Variants in PDE3A observed in about 807,000 individuals in gnomAD.
The protein encoded by PDE3A is phosphodiesterase 3A.
PDE3A carries 43 observed loss-of-function variants against 98.3 expected under a neutral mutation model. The ratio of observed to expected loss-of-function variants is 0.44; its 90% CI spans 0.34 to 0.56. The LOEUF (loss-of-function observed/expected upper bound fraction) is 0.56. PDE3A is among the 20% of genes least tolerant of loss of function. PDE3A has a pLI of 0.01. For synonymous variants in PDE3A, 663 were observed against 567.9 expected (o/e 1.17, Z -2.38); for missense variants, 1,427 against 1,440.7 (o/e 0.99, Z 0.15).
At chr12:20,643,286 G>T (rs1004534899) in intron 10 of PDE3A, among the ~76,000 whole-genome samples, 1 of 152,138 alleles carries the variant, frequency 6.6e-6, no homozygotes, top group African/African-American at 2.4e-5. Context: ...GCCTACCCTG[G>T]CCAGAAGAAG....
chr12:20,466,598 AGT>A (rs1945343178), intron 1 of PDE3A, among the ~76,000 whole-genome samples: 1 of 152,176 alleles, frequency 6.6e-6, no homozygotes, highest in African/African-American at 2.4e-5. Context: ...AATTATGACT[AGT>A]GTATTATTTT....
intron 1 of PDE3A, among the ~76,000 whole-genome samples, chr12:20,535,483 AG>A (rs1941725707): frequency 1.3e-5 from 2 of 152,184 alleles, no homozygotes; most frequent in African/African-American, 4.8e-5. Flanking sequence ...ACGGAGTAAA[AG>A]CACTCTATGT....
intron 1 of PDE3A, among the ~76,000 whole-genome samples, chr12:20,476,426 T>C (rs1945533383): frequency 6.6e-6 from 1 of 152,232 alleles, no homozygotes; most frequent in Non-Finnish European, 1.5e-5. Context: ...TTGTCAACTC[T>C]TCTGTGAATG....
intron 2 of PDE3A, among the ~76,000 whole-genome samples, chr12:20,603,436 A>AACTT (rs531158172): frequency 6.6e-6 from 1 of 152,352 alleles, no homozygotes; most frequent in South Asian, 2.1e-4. Flanking sequence ...ACTTTTTAAG[A>AACTT]ACTTAAAATT....
chr12:20,602,602 A>T (rs942823236), intron 2 of PDE3A, among the ~76,000 whole-genome samples: 2 of 152,188 alleles, frequency 1.3e-5, no homozygotes, highest in Non-Finnish European at 2.9e-5. Flanking sequence ...GAAGTTTGTT[A>T]TGTTTCACAT....
chr12:20,560,225 A>G (rs1942478913), intron 2 of PDE3A, among the ~76,000 whole-genome samples: 1 of 152,330 alleles, frequency 6.6e-6, no homozygotes, highest in African/African-American at 2.4e-5. Context: ...GAGCTCCTCC[A>G]GTAGATAGGC....
chr12:20,647,629 T>G (rs1944808862), intron 12 of PDE3A, among the ~76,000 whole-genome samples: 1 of 152,148 alleles, frequency 6.6e-6, no homozygotes, highest in Non-Finnish European at 1.5e-5. Flanking sequence ...CTACAAGATC[T>G]AGAGGCCAAT....
At chr12:20,589,162 G>A (rs1943262698) in intron 2 of PDE3A, among the ~76,000 whole-genome samples, 1 of 151,964 alleles carries the variant, frequency 6.6e-6, no homozygotes, top group Non-Finnish European at 1.5e-5. Context: ...CTGACCTCTT[G>A]ATCCACCTGC....
Position 20,686,917 on chromosome 12 carries a change from A to T in PDE3A, c.*6646A>T, listed in dbSNP as rs7975334. 2.0e-5 allele frequency among the ~76,000 whole-genome samples: 3 copies of T among 152,110 alleles called. No homozygotes were observed. The highest frequency in any genetic ancestry group is 4.8e-5 in the African/African-American group (2 of 41,458). On this transcript the variant is annotated 3_prime_UTR_variant, in exon 16 of 16. Coordinates refer to ENST00000359062, the MANE Select transcript of PDE3A (RefSeq NM_000921.5). ...TGCAGGGTATCCCAGGACACCCCTCAGTCTTTAATACAAACCAATTTAGTT... is the reference window on the plus strand; with the variant it reads ...TGCAGGGTATCCCAGGACACCCCTCTGTCTTTAATACAAACCAATTTAGTT...
At chr12:20,400,389 T>TTG (rs1355715167) in intron 1 of PDE3A, among the ~76,000 whole-genome samples, 1 of 6,284 alleles carries the variant, frequency 1.6e-4, no homozygotes, top group African/African-American at 2.8e-4. Flanking sequence ...GTTTTTTTTT[T>TTG]TTTTTTTTTT....
intron 5 of PDE3A, among the ~76,000 whole-genome samples, chr12:20,625,576 T>G (rs1190833368): frequency 6.6e-6 from 1 of 152,132 alleles, no homozygotes; most frequent in Non-Finnish European, 1.5e-5. Flanking sequence ...CACCTGGGCA[T>G]GGAAAAAAAG....
chr12:20,621,324 A>G lies in PDE3A; in HGVS notation c.1453A>G (p.Met485Val). Residue 485 changes from methionine (M) to valine (V), a missense_variant, in exon 5 of 16, where the codon ATG becomes GTG. Met to Val is a conservative substitution (Grantham distance 21). Transcript: ENST00000359062. ...TGATTCTTGGAATAATCCAGTGATGATGACCCTCACCAAAAGCAGATCCTT... is the reference window on the plus strand; with the variant it reads ...TGATTCTTGGAATAATCCAGTGATGGTGACCCTCACCAAAAGCAGATCCTT... Reference protein sequence around the residue: ...SPDSWNNPVMMTLTKSRSFTS... With the variant: ...SPDSWNNPVMVTLTKSRSFTS... 2 of 1,605,560 alleles carry G rather than the reference A, an allele frequency of 1.2e-6. No homozygotes were observed. Among genetic ancestry groups the G allele is most frequent in the East Asian group, 4.5e-5 (2 of 44,784 alleles).
In PDE3A at chr12:20,639,923, T is replaced by C. The variant is rs1944606427; in HGVS notation, c.2217T>C (p.Phe739=). 4 of 1,546,978 alleles carry C rather than the reference T, an allele frequency of 2.6e-6. No individual in the cohort carries two copies. The highest frequency in any genetic ancestry group is 3.6e-6 in the Non-Finnish European group (4 of 1,119,970). Reference sequence around the variant, plus strand: ...CAATTAGGGAATTTATGAATTATTTTCATGCTTTGGAGATTGGATATAGGG... The same window carrying C: ...CAATTAGGGAATTTATGAATTATTTCCATGCTTTGGAGATTGGATATAGGG... ...KIPIREFMNY[F]HALEIGYRDI... The change falls in exon 10 of 16, where the codon TTT becomes TTC. Residue 739 remains phenylalanine, a synonymous_variant. Coordinates refer to ENST00000359062, the MANE Select transcript of PDE3A (RefSeq NM_000921.5).
At chr12:20,481,341 G>C (rs1463207729) in intron 1 of PDE3A, among the ~76,000 whole-genome samples, 1 of 152,170 alleles carries the variant, frequency 6.6e-6, no homozygotes, top group African/African-American at 2.4e-5. Flanking sequence ...ATTGGTGAAT[G>C]AATGTCTGAA....
chr12:20,414,137 A>G (rs1191226135), intron 1 of PDE3A, among the ~76,000 whole-genome samples: 2 of 152,224 alleles, frequency 1.3e-5, no homozygotes, highest in African/African-American at 4.8e-5. Context: ...GTATGTTAAT[A>G]TATAGTGTAA....
chr12:20,381,581 C>T (rs906399918), intron 1 of PDE3A, among the ~76,000 whole-genome samples: 4 of 151,902 alleles, frequency 2.6e-5, no homozygotes, highest in African/African-American at 4.8e-5. Flanking sequence ...ACTCAGGGGA[C>T]GATGGTCTGT....
At chr12:20,371,180 G>C (rs183325401) in intron 1 of PDE3A, among the ~76,000 whole-genome samples, 9 of 152,264 alleles carry the variant, frequency 5.9e-5, no homozygotes, top group African/African-American at 2.2e-4. Flanking sequence ...TTGGGGATGA[G>C]TCTCCTTATT....
chr12:20,590,124 T>C (rs73080704), intron 2 of PDE3A, among the ~76,000 whole-genome samples: 18,594 of 151,920 alleles, frequency 0.12, 1,278 homozygotes, highest in Middle Eastern at 0.22. Context: ...ACAAAGGTAC[T>C]CTTACTATCC....
At chr12:20,377,424 T>C (rs141258424) in intron 1 of PDE3A, among the ~76,000 whole-genome samples, 1 of 151,938 alleles carries the variant, frequency 6.6e-6, no homozygotes, top group African/African-American at 2.4e-5. Context: ...AGTCTAAATA[T>C]CTTGTGTGTG....
Sources: gnomAD v4.1 joint callset for allele counts (sites outside exome capture counted in the v4.1 genomes callset) on GRCh38, gnomAD v4.1.1 for gene constraint, MANE v1.5 for transcripts, NCBI Gene and HGNC (gene_info 2026-07-23, HGNC 2026-07-21) for gene names.